The following NRG3 variants were observed in gnomAD, a reference collection of about 807,000 sequenced individuals.
NRG3 encodes the protein neuregulin 3.
A neutral mutation model predicts 66.9 loss-of-function variants in NRG3; 31 were observed. The ratio of observed to expected loss-of-function variants is 0.46; its 90% CI spans 0.35 to 0.63. NRG3 has a LOEUF of 0.63. NRG3 is among the 20% of genes least tolerant of loss of function. The pLI is 0.00. For synonymous variants in NRG3, 393 were observed against 359.4 expected, an observed-to-expected ratio of 1.09 and a Z score of -1.06; for missense variants, 910 against 878.9, an observed-to-expected ratio of 1.04 and a Z score of -0.45.
At chr10:82,337,562 A>G (rs2082451897) in intron 1 of NRG3, among the ~76,000 whole-genome samples, 1 of 152,224 alleles carries the variant, frequency 6.6e-6, no homozygotes, top group African/African-American at 2.4e-5. Flanking sequence ...GGAATGATCA[A>G]ACTTTTCTGC....
At chr10:82,572,596 T>TTG (rs3040192) in intron 2 of NRG3, among the ~76,000 whole-genome samples, 3 of 151,468 alleles carry the variant, frequency 2.0e-5, no homozygotes, top group Non-Finnish European at 4.4e-5. Context: ...GTGGTTTTTT[T>TTG]TGTGTGTGTG....
chr10:82,294,229 C>G (rs920507619), intron 1 of NRG3, among the ~76,000 whole-genome samples: 2 of 152,192 alleles, frequency 1.3e-5, no homozygotes, highest in Non-Finnish European at 2.9e-5. Flanking sequence ...CAGTTCATAT[C>G]ACAAATCCTC....
At chr10:82,833,966 G>C (rs907748602) in intron 3 of NRG3, among the ~76,000 whole-genome samples, 1 of 152,108 alleles carries the variant, frequency 6.6e-6, no homozygotes, top group Non-Finnish European at 1.5e-5. Flanking sequence ...AAATAATAAA[G>C]CCAATTACTT....
chr10:82,523,097 T>G (rs1846355664), intron 2 of NRG3, among the ~76,000 whole-genome samples: 1 of 152,200 alleles, frequency 6.6e-6, no homozygotes, highest in Non-Finnish European at 1.5e-5. Flanking sequence ...CATGTATCAG[T>G]ACTTTATTAT....
intron 3 of NRG3, among the ~76,000 whole-genome samples, chr10:82,816,709 G>A (rs995667869): frequency 1.3e-5 from 2 of 152,122 alleles, no homozygotes; most frequent in African/African-American, 4.8e-5. Context: ...AGTGGAGGGG[G>A]CCTGCAGGCC....
At chr10:82,596,964 C>T (rs552652018) in intron 2 of NRG3, among the ~76,000 whole-genome samples, 2 of 152,158 alleles carry the variant, frequency 1.3e-5, no homozygotes, top group Non-Finnish European at 2.9e-5. Flanking sequence ...TTCTTCCCCC[C>T]ACCCTGTGGT....
intron 3 of NRG3, among the ~76,000 whole-genome samples, chr10:82,783,716 AC>A (rs996401679): frequency 6.6e-6 from 1 of 152,202 alleles, no homozygotes; most frequent in African/African-American, 2.4e-5. Flanking sequence ...GAGGATACAA[AC>A]AAATGGAAGA....
chr10:82,761,400 AAAT>A (rs1193454607), intron 3 of NRG3, among the ~76,000 whole-genome samples: 1 of 152,096 alleles, frequency 6.6e-6, no homozygotes, highest in African/African-American at 2.4e-5. Context: ...AAGTAACAGA[AAAT>A]AACCCAAATA....
At chr10:82,669,512 A>T (rs1334753501) in intron 2 of NRG3, among the ~76,000 whole-genome samples, 2 of 152,142 alleles carry the variant, frequency 1.3e-5, no homozygotes, top group African/African-American at 2.4e-5. Context: ...CTCCCCAGCA[A>T]TTTGCAGGGT....
At chr10:82,184,102 G>A (rs1315316588) in intron 1 of NRG3, among the ~76,000 whole-genome samples, 1 of 152,066 alleles carries the variant, frequency 6.6e-6, no homozygotes, top group African/African-American at 2.4e-5. Flanking sequence ...TGAGACCAGT[G>A]GTTTTCAAGG....
At chr10:82,688,889 C>G (rs891949452) in intron 2 of NRG3, among the ~76,000 whole-genome samples, 1 of 151,906 alleles carries the variant, frequency 6.6e-6, no homozygotes, top group African/African-American at 2.4e-5. Flanking sequence ...TTTTAAGTTG[C>G]TTAAGCATAT....
At chr10:81,938,833 T>C (rs1848148113) in intron 1 of NRG3, among the ~76,000 whole-genome samples, 1 of 152,106 alleles carries the variant, frequency 6.6e-6, no homozygotes, top group African/African-American at 2.4e-5. Context: ...CCTTGCCTTC[T>C]TCCTGATCAT....
chr10:82,311,984 C>T (rs371487110), intron 1 of NRG3, among the ~76,000 whole-genome samples: 8 of 152,098 alleles, frequency 5.3e-5, no homozygotes, highest in Non-Finnish European at 7.4e-5. Flanking sequence ...TCTGCCAACT[C>T]GGGACAATAA....
At chr10:82,742,089 C>T (rs2058450022) in intron 3 of NRG3, among the ~76,000 whole-genome samples, 1 of 152,058 alleles carries the variant, frequency 6.6e-6, no homozygotes, top group Admixed American at 6.6e-5. Flanking sequence ...CTCCTCTCTT[C>T]TCTCCATTCC....
chr10:82,532,011 G>C (rs1024681785), intron 2 of NRG3, among the ~76,000 whole-genome samples: 2 of 151,392 alleles, frequency 1.3e-5, no homozygotes, highest in African/African-American at 4.8e-5. Context: ...CTTTTTTTAT[G>C]AATATATAAC....
At chr10:82,496,220 TGAA>T (rs1312732442) in intron 2 of NRG3, among the ~76,000 whole-genome samples, 1 of 152,170 alleles carries the variant, frequency 6.6e-6, no homozygotes, top group Non-Finnish European at 1.5e-5. Flanking sequence ...CGATAAAATT[TGAA>T]GAAGAATTAA....
chr10:82,487,557 C>T (rs1476628082), intron 2 of NRG3, among the ~76,000 whole-genome samples: 1 of 152,104 alleles, frequency 6.6e-6, no homozygotes, highest in Non-Finnish European at 1.5e-5. Flanking sequence ...GTCATCATGA[C>T]CAGAGGCCAT....
chr10:82,331,013 G>T (rs1443718564), intron 1 of NRG3, among the ~76,000 whole-genome samples: 1 of 152,070 alleles, frequency 6.6e-6, no homozygotes, highest in African/African-American at 2.4e-5. Context: ...GCAATGATTG[G>T]ACTTTTAGAA....
intron 1 of NRG3, among the ~76,000 whole-genome samples, chr10:82,174,694 A>C (rs1759090380): frequency 1.3e-5 from 2 of 152,094 alleles, no homozygotes; most frequent in South Asian, 4.1e-4. Context: ...TCCAGAAGAC[A>C]GGATCTCCAC....
Sources: allele counts gnomAD v4.1 joint callset (sites outside exome capture counted in the v4.1 genomes callset), GRCh38; gene constraint gnomAD v4.1.1; transcripts MANE v1.5; gene names NCBI Gene and HGNC (gene_info 2026-07-23, HGNC 2026-07-21).